ZNF606: variants seen among roughly 807,000 people sequenced by gnomAD.
The protein encoded by ZNF606 is zinc finger protein 606.
ZNF606 carries 37 observed loss-of-function variants against 74.9 expected under a neutral mutation model. The observed-to-expected ratio is 0.49, with a 90% CI of 0.38 to 0.65. The LOEUF (loss-of-function observed/expected upper bound fraction) is 0.65. Among genes scored for constraint, ZNF606 ranks in the 30% least tolerant of loss-of-function variants. The pLI is 0.00. For missense variants in ZNF606, 852 were observed against 952.9 expected (o/e 0.89, Z 1.39); for synonymous variants, 328 against 312.4 (o/e 1.05, Z -0.53).
intron 2 of ZNF606, 76 bp downstream of exon 2, chr19:58,001,213 C>A: frequency 6.4e-7 from 1 of 1,565,196 alleles, no homozygotes; most frequent in Non-Finnish European, 8.8e-7. Context: ...AAGTCCTCAG[C>A]CCATCACCAG....
chr19:58,000,490 G>A (rs1288515211), intron 3 of ZNF606, 193 bp downstream of exon 3: 1 of 678,004 alleles, frequency 1.5e-6, no homozygotes, highest in East Asian at 2.8e-5. Context: ...CTCCCAAAGT[G>A]CTGTAGGCGT....
rs777068804 is a variant in ZNF606 at position 57,978,448 on chromosome 19, T to C, written c.2232A>G (p.Ala744=). 4.6e-5 allele frequency: 74 copies of C among 1,613,984 alleles called. No individual in the cohort carries two copies. The highest frequency in any genetic ancestry group is 6.3e-5 in the Non-Finnish European group (74 of 1,179,856). ...KPYKCNHCEK[A]FCKNSSLIIH... ...TAATAAGGGAAGAATTCTTACAAAATGCTTTTTCACAATGATTACATTTGT... is the reference window on the plus strand; with the variant it reads ...TAATAAGGGAAGAATTCTTACAAAACGCTTTTTCACAATGATTACATTTGT... The change falls in exon 7 of 7, where the codon GCA becomes GCG. Residue 744 remains alanine, a synonymous_variant. Coordinates refer to ENST00000551380, the MANE Select transcript of ZNF606 (RefSeq NM_001348022.3). This position sits in a 1 kb window ranked among gnomAD's most constrained non-coding sequence, Gnocchi z 4.4.
At chr19:57,996,601 T>C (rs527860392) in intron 4 of ZNF606, among the ~76,000 whole-genome samples, 3 of 151,532 alleles carry the variant, frequency 2.0e-5, no homozygotes, top group African/African-American at 7.3e-5. Flanking sequence ...AAGGAAGAGA[T>C]GGTGGAAGAC....
rs553762482 is a variant in ZNF606, at chr19:57,983,740, G to A, written c.401-3461C>T. On this transcript the variant is annotated intron_variant, in intron 6 of 6. Coordinates refer to ENST00000551380, the MANE Select transcript of ZNF606 (RefSeq NM_001348022.3). The stretch of plus-strand genomic sequence containing the variant: ...CAACATGAGCTCAGCCTTGAAGCAC[G>A]ACCTGGGTACAGACTGACTAGTCAC... Among the ~76,000 whole-genome samples, 13 of 152,274 alleles carry A rather than the reference G, an allele frequency of 8.5e-5. No homozygotes were observed. The South Asian group carries it at 1.0e-3, about 12-fold the overall frequency.
intron 4 of ZNF606, among the ~76,000 whole-genome samples, chr19:57,993,165 C>G (rs2073285702): frequency 6.6e-6 from 1 of 152,142 alleles, no homozygotes; most frequent in African/African-American, 2.4e-5. Flanking sequence ...AAACACAGCC[C>G]TGCAGACCCA....
chr19:57,995,051 C>T (rs553984394), intron 4 of ZNF606, among the ~76,000 whole-genome samples: 3 of 151,864 alleles, frequency 2.0e-5, no homozygotes, highest in South Asian at 2.1e-4. Flanking sequence ...ATTAGCTGGG[C>T]GTGGTGGCAT....
chr19:58,002,626 C>A lies in ZNF606; in HGVS notation c.-282G>T. The A allele has an allele frequency of 2.2e-6, 1 of 452,602 alleles. No individual in the cohort carries two copies. The highest frequency in any genetic ancestry group is 3.3e-4 in the Middle Eastern group (1 of 3,036). The allele number at this position is 452,602 out of a possible 1,614,324, so 28.0% of individuals were successfully genotyped here. A position where few individuals can be genotyped will look rare whatever the true frequency, so the allele number is the denominator to read the frequency against. On this transcript the variant is annotated 5_prime_UTR_variant, in exon 1 of 7. Transcript: ENST00000551380. The stretch of plus-strand genomic sequence containing the variant: ...CCGGAGGCGGGAGGCCGGAGGCAGG[C>A]TGCTGGCTGGAGAACCGACGGCAAC...
chr19:58,001,043 C>T, intron 2 of ZNF606: 1 of 550,498 alleles, frequency 1.8e-6, no homozygotes, highest in South Asian at 2.7e-5. Flanking sequence ...TTTAGGAAAC[C>T]CCACAAACCA....
rs2073412822 is a variant in ZNF606 at position 58,000,728 on chromosome 19, C to T, written c.43G>A (p.Asp15Asn). The change falls in exon 3 of 7, where the codon GAC becomes AAC. Residue 15 changes from aspartate (D) to asparagine (N), a missense_variant. By Grantham distance (23) the Asp-to-Asn change is conservative (BLOSUM62 1). This residue lies in a region of ZNF606 where 545 missense variants were observed against 542.5 expected (regional missense o/e 1.00). Transcript: ENST00000551380. ...NPWASWGALTDQSWGMTAVDP... is the reference protein window; with the variant it reads ...NPWASWGALTNQSWGMTAVDP... ...ACAGCTGTCATCCCCCAAGATTGGTCCGTAAGGGCACCTGCACAGAAGGAT... is the reference window on the plus strand; with the variant it reads ...ACAGCTGTCATCCCCCAAGATTGGTTCGTAAGGGCACCTGCACAGAAGGAT... The T allele has an allele frequency of 1.3e-6, 2 of 1,593,994 alleles. No individual in the cohort carries two copies. The highest frequency in any genetic ancestry group is 1.3e-5 in the African/African-American group (1 of 74,612).
At chr19:57,999,739 C>T (rs747574714) in intron 4 of ZNF606, 69 bp downstream of exon 4, 5 of 1,471,252 alleles carry the variant, frequency 3.4e-6, no homozygotes, top group Non-Finnish European at 4.7e-6. Context: ...AACTGGAGAG[C>T]CGCATCAACT....
chr19:57,998,328 G>T (rs1352010060), intron 4 of ZNF606: 1 of 152,094 alleles, frequency 6.6e-6, no homozygotes, highest in Non-Finnish European at 1.5e-5. Flanking sequence ...TTTTTACAAT[G>T]TAATTACATT....
intron 6 of ZNF606, among the ~76,000 whole-genome samples, chr19:57,982,569 G>A (rs1294395292): frequency 6.6e-6 from 1 of 152,096 alleles, no homozygotes; most frequent in African/African-American, 2.4e-5. Flanking sequence ...ACTAGACCTT[G>A]CCCTCTCTCT....
intron 6 of ZNF606, among the ~76,000 whole-genome samples, chr19:57,986,393 A>G (rs1274824453): frequency 2.6e-5 from 4 of 152,232 alleles, no homozygotes; most frequent in Admixed American, 6.5e-5. Flanking sequence ...TTGAGACTCC[A>G]GTAAGCCAAG....
chr19:58,001,700 T>C (rs1179551551), intron 1 of ZNF606, among the ~76,000 whole-genome samples: 1 of 152,222 alleles, frequency 6.6e-6, no homozygotes, highest in Non-Finnish European at 1.5e-5. Flanking sequence ...ATATTAGTGG[T>C]TGCCTAGAGC....
At chr19:58,003,099 G>C (rs1357183876), upstream of ZNF606, 2 of 407,360 alleles carry the variant, frequency 4.9e-6, no homozygotes, top group Admixed American at 2.7e-5. Flanking sequence ...ATGGCGCCTC[G>C]TGGTACCGGG....
At chr19:57,983,578 CAAA>C (rs143411161) in intron 6 of ZNF606, among the ~76,000 whole-genome samples, 2 of 120,082 alleles carry the variant, frequency 1.7e-5, no homozygotes, top group African/African-American at 3.1e-5. Context: ...AACTCCGTCT[CAAA>C]AAAAAAAAAA....
chr19:57,984,185 A>C (rs1173940884), intron 6 of ZNF606, among the ~76,000 whole-genome samples: 1 of 152,250 alleles, frequency 6.6e-6, no homozygotes, highest in Non-Finnish European at 1.5e-5. Flanking sequence ...ATGACTTCTC[A>C]ATCTCCAGCT....
chr19:57,985,656 T>C (rs559775795), intron 6 of ZNF606, among the ~76,000 whole-genome samples: 13 of 151,206 alleles, frequency 8.6e-5, no homozygotes, highest in African/African-American at 2.7e-4. Context: ...GGGCCAGGGG[T>C]GGTGGCTCAC....
At position 57,979,915 on chromosome 19, in the gene ZNF606, A is replaced by G. The variant is rs2073056278; in HGVS notation, c.765T>C (p.Tyr255=). ...TATTTTCACAGGTAACCTTATCTGC[A>G]TACATTATGGCTGAGTCACATCTCC... The part of the protein sequence containing the change: ...QSWRCDSAIM[Y]ADKVTCENND... The change falls in exon 7 of 7, where the codon TAT becomes TAC. Residue 255 remains tyrosine (Y), a synonymous_variant. Transcript: ENST00000551380. The G allele has an allele frequency of 1.2e-6, 2 of 1,613,862 alleles. No individual in the cohort carries two copies. The highest frequency in any genetic ancestry group is 1.7e-6 in the Non-Finnish European group (2 of 1,180,024).
Sources: gnomAD v4.1 joint callset for allele counts (sites outside exome capture counted in the v4.1 genomes callset) on GRCh38, gnomAD v4.1.1 for gene constraint, gnomAD v4.1.1 regional missense constraint, Gnocchi (gnomAD v3.1) non-coding constraint, MANE v1.5 for transcripts, NCBI Gene and HGNC (gene_info 2026-07-23, HGNC 2026-07-21) for gene names.